Variants in LRBA observed in about 807,000 individuals in gnomAD.
LRBA encodes lipopolysaccharide-responsive and beige-like anchor protein.
In LRBA, 176 loss-of-function variants were observed where a neutral mutation model predicts 330.0. That is an observed-to-expected ratio of 0.53 (90% CI 0.47 to 0.60). The LOEUF (loss-of-function observed/expected upper bound fraction) is 0.60, where lower values mean the gene tolerates loss of function less well. Among genes scored for constraint, LRBA ranks in the 20% least tolerant of loss-of-function variants. The probability of loss-of-function intolerance (pLI) is 0.00; values close to 1 mark genes in which losing one functional copy is unlikely to be tolerated. For missense variants in LRBA, 3,259 were observed against 3,444.8 expected, an observed-to-expected ratio of 0.95 and a Z score of 1.35; for synonymous variants, 1,230 against 1,193.0, an observed-to-expected ratio of 1.03 and a Z score of -0.64.
At chr4:150,664,015 C>T (rs1288541746) in intron 37 of LRBA, among the ~76,000 whole-genome samples, 3 of 152,038 alleles carry the variant, frequency 2.0e-5, no homozygotes, top group Non-Finnish European at 4.4e-5. Context: ...ATGTCTGGAT[C>T]GCAAGTTGCT....
At chr4:150,731,966 T>C (rs1259420087) in intron 36 of LRBA, among the ~76,000 whole-genome samples, 2 of 152,098 alleles carry the variant, frequency 1.3e-5, no homozygotes, top group Non-Finnish European at 2.9e-5. Flanking sequence ...CATAAATATA[T>C]ATACCTACTA....
intron 47 of LRBA, among the ~76,000 whole-genome samples, chr4:150,385,668 A>G (rs933812654): frequency 6.6e-6 from 1 of 152,176 alleles, no homozygotes; most frequent in African/African-American, 2.4e-5. Flanking sequence ...ACCAGACCAG[A>G]AATGAGGGGT....
intron 30 of LRBA, among the ~76,000 whole-genome samples, chr4:150,826,424 A>G (rs1320242369): frequency 1.3e-5 from 2 of 152,204 alleles, no homozygotes; most frequent in Non-Finnish European, 2.9e-5. Flanking sequence ...GTGCAAATGC[A>G]GTTGGGTTTA....
chr4:150,597,050 TA>T, intron 38 of LRBA: 1 of 1,145,346 alleles, frequency 8.7e-7, no homozygotes, highest in Non-Finnish European at 1.3e-6. Context: ...ACAATAATCA[TA>T]AAATTACTAT....
At chr4:150,537,222 GGCGAAAGGACT>G (rs1215087687) in intron 40 of LRBA, among the ~76,000 whole-genome samples, 1 of 152,176 alleles carries the variant, frequency 6.6e-6, no homozygotes, top group Non-Finnish European at 1.5e-5. Flanking sequence ...GATAAGCAAT[GGCGAAAGGACT>G]GCCTATTTAA....
chr4:150,280,104 G>A (rs989249538), intron 55 of LRBA, among the ~76,000 whole-genome samples: 21 of 152,176 alleles, frequency 1.4e-4, no homozygotes, highest in Non-Finnish European at 2.4e-4. Context: ...TGAATCAGAT[G>A]CCTCCCAAGG....
intron 42 of LRBA, among the ~76,000 whole-genome samples, chr4:150,474,935 T>C (rs557873850): frequency 1.1e-4 from 16 of 152,308 alleles, no homozygotes; most frequent in African/African-American, 3.6e-4. Context: ...TTTTGGTAGA[T>C]GATTTTTGTC....
At chr4:150,835,912 A>G (rs112235225) in intron 28 of LRBA, among the ~76,000 whole-genome samples, 3 of 152,326 alleles carry the variant, frequency 2.0e-5, no homozygotes, top group African/African-American at 7.2e-5. Flanking sequence ...AGTTTTGCCC[A>G]TTCAGTATGA....
chr4:150,280,263 T>G (rs911852780), intron 55 of LRBA, among the ~76,000 whole-genome samples: 2 of 152,134 alleles, frequency 1.3e-5, no homozygotes, highest in African/African-American at 4.8e-5. Flanking sequence ...ACTAGAGGTT[T>G]TCAGAGGGCC....
rs116595827 is a variant in LRBA, at chr4:150,747,695, G to A, written c.5646-12329C>T. Among the ~76,000 whole-genome samples, 181 of 152,216 alleles carry A rather than the reference G, an allele frequency of 1.2e-3. 3 individuals are homozygous for A. The highest frequency in any genetic ancestry group is 4.3e-3 in the African/African-American group (177 of 41,536). Reference sequence around the variant, plus strand: ...TGCAATAATACATAGCACTTTCTTGGTTTTCCTCCTATCTAGCTGCTGCTT... The same window carrying A: ...TGCAATAATACATAGCACTTTCTTGATTTTCCTCCTATCTAGCTGCTGCTT... On this transcript the variant is annotated intron_variant, in intron 35 of 56. Transcript: ENST00000651943.
chr4:150,779,224 CAAAT>C (rs1737830888), intron 34 of LRBA, among the ~76,000 whole-genome samples: 1 of 152,066 alleles, frequency 6.6e-6, no homozygotes, highest in Non-Finnish European at 1.5e-5. Flanking sequence ...TTCTTAGAGA[CAAAT>C]GTTTGTTTTC....
rs78244201 is a variant in LRBA at position 150,926,322 on chromosome 4, C to T, written c.549+2194G>A. On this transcript the variant is annotated intron_variant, in intron 4 of 56. Transcript: ENST00000651943. ...AGACCACAGTCTTGCTACCTCCTGT[C>T]CTATGTCTGAGACTTGAGAGTTATT... Among the ~76,000 whole-genome samples the T allele has an allele frequency of 7.8e-3, 1,185 of 152,278 alleles. 10 individuals carry two copies. The highest frequency in any genetic ancestry group is 0.027 in the African/African-American group (1,130 of 41,536).
intron 48 of LRBA, among the ~76,000 whole-genome samples, chr4:150,345,814 CT>C (rs199577173): frequency 6.6e-6 from 1 of 150,886 alleles, no homozygotes; most frequent in African/African-American, 2.4e-5. Context: ...TCCCCTCAAC[CT>C]TTTTTTTTGA....
At chr4:150,672,476 C>T (rs1195868238) in intron 37 of LRBA, among the ~76,000 whole-genome samples, 2 of 151,930 alleles carry the variant, frequency 1.3e-5, no homozygotes, top group East Asian at 3.9e-4. Context: ...TGTACATCTA[C>T]AATTTCCTAA....
chr4:150,487,248 A>G (rs1433011426), intron 42 of LRBA, among the ~76,000 whole-genome samples: 1 of 150,948 alleles, frequency 6.6e-6, no homozygotes, highest in African/African-American at 2.4e-5. Flanking sequence ...ACACACATAT[A>G]CCATTATGAT....
chr4:150,359,270 T>C lies in LRBA; in HGVS notation c.7195-9111A>G, dbSNP rs944893262. On this transcript the variant is annotated intron_variant, in intron 47 of 56. Coordinates refer to ENST00000651943, the MANE Select transcript of LRBA (RefSeq NM_001364905.1). ...GTAAATATTTATTGAGTGGTTACTA[T>C]TGGTCTTGTGCTAGACTCTGGGGAT... Among the ~76,000 whole-genome samples the C allele has an allele frequency of 3.9e-5, 6 of 152,306 alleles. No individual in the cohort carries two copies. The East Asian group carries it at 9.7e-4, about 25-fold the overall frequency.
At chr4:150,736,763 G>C (rs1253534349) in intron 35 of LRBA, among the ~76,000 whole-genome samples, 2 of 152,140 alleles carry the variant, frequency 1.3e-5, no homozygotes, top group Non-Finnish European at 2.9e-5. Context: ...AACCCAAGCA[G>C]GGTTTTTAAG....
chr4:150,690,088 TAC>T (rs1486154790), intron 36 of LRBA, among the ~76,000 whole-genome samples: 5 of 152,070 alleles, frequency 3.3e-5, no homozygotes, highest in South Asian at 4.1e-4. Context: ...ATACAAAATA[TAC>T]AGTTTATAGA....
chr4:150,351,620 T>C (rs931987539), intron 47 of LRBA, among the ~76,000 whole-genome samples: 4 of 151,738 alleles, frequency 2.6e-5, no homozygotes, highest in South Asian at 4.2e-4. Context: ...ACCCAGGAGG[T>C]GGAGCTTGCA....
Sources: gnomAD v4.1 joint callset for allele counts (sites outside exome capture counted in the v4.1 genomes callset) on GRCh38, gnomAD v4.1.1 for gene constraint, MANE v1.5 for transcripts, NCBI Gene and HGNC (gene_info 2026-07-23, HGNC 2026-07-21) for gene names.